Variants in FHOD3 observed in about 807,000 individuals in gnomAD.
FHOD3 encodes the protein formin homology 2 domain containing 3.
Under a neutral mutation model 173.0 loss-of-function variants are expected in FHOD3, and 90 were observed. The observed-to-expected ratio is 0.52, with a 90% CI of 0.44 to 0.62. The LOEUF (loss-of-function observed/expected upper bound fraction) is 0.62, where lower values mean the gene tolerates loss of function less well. FHOD3 is among the 20% of genes least tolerant of loss of function. The pLI, the probability that FHOD3 is intolerant of heterozygous loss-of-function variation, is 0.00. For synonymous variants in FHOD3, 828 were observed against 823.0 expected, an observed-to-expected ratio of 1.01 and a Z score of -0.10; for missense variants, 1,945 against 2,034.7, an observed-to-expected ratio of 0.96 and a Z score of 0.85.
At chr18:36,709,702 T>C in intron 18 of FHOD3, 1 of 339,892 alleles carries the variant, frequency 2.9e-6, no homozygotes, top group Non-Finnish European at 5.4e-6. Context: ...AAGAGAAACC[T>C]CTCACTTCCC....
chr18:36,715,459 C>G (rs774957807), intron 18 of FHOD3, among the ~76,000 whole-genome samples: 4 of 152,152 alleles, frequency 2.6e-5, no homozygotes, highest in Non-Finnish European at 4.4e-5. Context: ...TACCCAGTCT[C>G]GGGCAGCCCT....
intron 20 of FHOD3, among the ~76,000 whole-genome samples, chr18:36,734,718 A>G (rs2041548512): frequency 6.6e-6 from 1 of 152,158 alleles, no homozygotes; most frequent in Non-Finnish European, 1.5e-5. Flanking sequence ...AAGAGATGCA[A>G]TTGGGTACAT....
At chr18:36,480,829 C>T (rs1352912183) in intron 3 of FHOD3, among the ~76,000 whole-genome samples, 2 of 152,202 alleles carry the variant, frequency 1.3e-5, no homozygotes, top group African/African-American at 4.8e-5. Flanking sequence ...TTCATCACCA[C>T]ATCATGAGTT....
At chr18:36,377,220 C>T (rs1401934690) in intron 3 of FHOD3, among the ~76,000 whole-genome samples, 1 of 152,236 alleles carries the variant, frequency 6.6e-6, no homozygotes, top group Admixed American at 6.5e-5. Context: ...TTCTGCCCTT[C>T]TTCTTCAGCC....
chr18:36,363,136 C>T (rs558546878), intron 2 of FHOD3, among the ~76,000 whole-genome samples: 38 of 152,186 alleles, frequency 2.5e-4, no homozygotes, highest in African/African-American at 8.7e-4. Flanking sequence ...TAAAAAAACA[C>T]GGATATCATC....
chr18:36,667,632 A>G (rs1489462447), intron 14 of FHOD3, among the ~76,000 whole-genome samples: 1 of 152,178 alleles, frequency 6.6e-6, no homozygotes. Flanking sequence ...AAAATACAGT[A>G]TTAAAGAGAA....
intron 3 of FHOD3, among the ~76,000 whole-genome samples, chr18:36,467,874 G>A (rs780910045): frequency 3.3e-5 from 5 of 152,206 alleles, no homozygotes; most frequent in Admixed American, 6.5e-5. Flanking sequence ...GGCGTTCTGC[G>A]GGTAAGTGCT....
chr18:36,656,775 A>G (rs1425389819), intron 13 of FHOD3, among the ~76,000 whole-genome samples: 1 of 152,136 alleles, frequency 6.6e-6, no homozygotes, highest in Admixed American at 6.5e-5. Context: ...ATTGGTAATC[A>G]TTTTTAAGGG....
intron 6 of FHOD3, among the ~76,000 whole-genome samples, chr18:36,577,374 C>T (rs970375621): frequency 6.6e-6 from 1 of 152,122 alleles, no homozygotes; most frequent in Admixed American, 6.5e-5. Flanking sequence ...ATGATCTCAG[C>T]TCCCTGCAAC....
At chr18:36,658,277 A>G in intron 14 of FHOD3, 89 bp downstream of exon 14, 1 of 832,606 alleles carries the variant, frequency 1.2e-6, no homozygotes, top group Non-Finnish European at 1.9e-6. Context: ...AAATATAAAT[A>G]AAAGACATAA....
intron 24 of FHOD3, among the ~76,000 whole-genome samples, chr18:36,747,686 A>T (rs546194156): frequency 1.3e-5 from 2 of 152,324 alleles, no homozygotes; most frequent in East Asian, 3.9e-4. Flanking sequence ...CACAGCAGTG[A>T]TGTGTCAGAC....
intron 4 of FHOD3, among the ~76,000 whole-genome samples, chr18:36,509,340 T>G (rs2055491710): frequency 2.7e-5 from 4 of 146,154 alleles, no homozygotes; most frequent in Admixed American, 1.4e-4. Flanking sequence ...GTCAGGAGAA[T>G]GGCGTGAACC....
intron 14 of FHOD3, among the ~76,000 whole-genome samples, chr18:36,663,020 G>A (rs371550979): frequency 1.3e-5 from 2 of 152,034 alleles, no homozygotes; most frequent in Admixed American, 1.3e-4. Context: ...TTTTCTCATT[G>A]TTCTTTTTTA....
rs542241 is a variant in FHOD3 at position 36,681,596 on chromosome 18, T to A, written c.1970+26T>A. On this transcript the variant is annotated intron_variant, in intron 15 of 28. Coordinates refer to ENST00000590592, the MANE Select transcript of FHOD3 (RefSeq NM_001281740.3). ...GTAAGAAGGATCTTAAGATTTTTTT[T>A]AAATAGTGAGTTAAAAATTAAAGGC... 0.47 allele frequency: 756,640 copies of A among 1,601,116 alleles called. 180,121 individuals are homozygous for A. Among genetic ancestry groups the A allele is most frequent in the East Asian group, 0.66 (29,335 of 44,444 alleles).
chr18:36,737,433 G>C (rs2041691315), intron 20 of FHOD3, among the ~76,000 whole-genome samples: 1 of 152,208 alleles, frequency 6.6e-6, no homozygotes, highest in Admixed American at 6.5e-5. Flanking sequence ...GGCAACATCT[G>C]CTTGAAGTGT....
chr18:36,671,038 T>C (rs2037499620), intron 14 of FHOD3, among the ~76,000 whole-genome samples: 1 of 152,258 alleles, frequency 6.6e-6, no homozygotes, highest in African/African-American at 2.4e-5. Context: ...AGACACTGTT[T>C]GCTCTAATTC....
chr18:36,587,002 G>A (rs2059057038), intron 6 of FHOD3, among the ~76,000 whole-genome samples: 1 of 152,004 alleles, frequency 6.6e-6, no homozygotes, highest in South Asian at 2.1e-4. Context: ...GGCTTTATTC[G>A]ATGGCCATGG....
chr18:36,597,654 C>T (rs980875414), intron 7 of FHOD3, among the ~76,000 whole-genome samples: 9 of 152,198 alleles, frequency 5.9e-5, no homozygotes, highest in African/African-American at 2.2e-4. Flanking sequence ...TCTCAATCTC[C>T]TGACCTCGTG....
intron 17 of FHOD3, among the ~76,000 whole-genome samples, chr18:36,702,069 C>A (rs1290459861): frequency 3.9e-5 from 6 of 152,182 alleles, no homozygotes; most frequent in Non-Finnish European, 5.9e-5. Flanking sequence ...AGTAGAATTT[C>A]TTTTGTGAAG....
Sources: gnomAD v4.1 joint callset for allele counts (sites outside exome capture counted in the v4.1 genomes callset) on GRCh38, gnomAD v4.1.1 for gene constraint, MANE v1.5 for transcripts, NCBI Gene and HGNC (gene_info 2026-07-23, HGNC 2026-07-21) for gene names.